The following GALNT13 variants were observed in gnomAD, a reference collection of about 807,000 sequenced individuals.
GALNT13 encodes polypeptide N-acetylgalactosaminyltransferase 13.
In GALNT13, 28 loss-of-function variants were observed where a neutral mutation model predicts 64.2. That is an observed-to-expected ratio of 0.44 (90% CI 0.32 to 0.60). GALNT13 has a LOEUF of 0.60. GALNT13 is among the 20% of genes least tolerant of loss of function. The pLI is 0.05. For synonymous variants in GALNT13, 214 were observed against 224.6 expected (o/e 0.95, Z 0.42); for missense variants, 577 against 669.8 (o/e 0.86, Z 1.53).
chr2:154,018,286 C>T (rs1697145726), intron 3 of GALNT13, among the ~76,000 whole-genome samples: 1 of 152,132 alleles, frequency 6.6e-6, no homozygotes, highest in Non-Finnish European at 1.5e-5. Context: ...ACTGCCACTC[C>T]CAACCATAGG....
the GALNT13 span, among the ~76,000 whole-genome samples, chr2:153,082,211 G>A: frequency 8.6e-5 from 13 of 152,038 alleles, no homozygotes; most frequent in African/African-American, 3.1e-4. Flanking sequence ...TGGTTACATG[G>A]ATAAGTTCTT....
chr2:153,949,764 C>T (rs149475397), intron 3 of GALNT13, among the ~76,000 whole-genome samples: 10 of 151,798 alleles, frequency 6.6e-5, no homozygotes, highest in African/African-American at 1.4e-4. Context: ...ACAAATTGTC[C>T]AAAGGAAGAG....
intron 3 of GALNT13, among the ~76,000 whole-genome samples, chr2:154,000,142 TATTATA>T (rs939697319): frequency 6.6e-6 from 1 of 151,448 alleles, no homozygotes; most frequent in African/African-American, 2.4e-5. Flanking sequence ...CATAAGTATC[TATTATA>T]ATTATGTGTA....
chr2:154,391,775 G>T (rs1265550785), intron 9 of GALNT13, among the ~76,000 whole-genome samples: 1 of 152,104 alleles, frequency 6.6e-6, no homozygotes. Flanking sequence ...CTTCAAAAAA[G>T]ATAACTCATC....
At chr2:154,039,464 A>G (rs1371371874) in intron 3 of GALNT13, among the ~76,000 whole-genome samples, 1 of 140,730 alleles carries the variant, frequency 7.1e-6, no homozygotes, top group African/African-American at 2.4e-5. Flanking sequence ...CTGCAGCTAC[A>G]TGAGTGAACC....
chr2:154,156,380 A>G (rs544488777), intron 4 of GALNT13, among the ~76,000 whole-genome samples: 16 of 152,124 alleles, frequency 1.1e-4, no homozygotes, highest in Admixed American at 6.5e-5. Context: ...CTTACGTAGC[A>G]TAGTGATTAG....
At chr2:154,093,881 C>G (rs951539905) in intron 3 of GALNT13, among the ~76,000 whole-genome samples, 31 of 151,664 alleles carry the variant, frequency 2.0e-4, no homozygotes, top group South Asian at 8.3e-4. Flanking sequence ...TCCCATCCCC[C>G]ATCAATCTGC....
At chr2:153,864,385 A>G in the GALNT13 span, among the ~76,000 whole-genome samples, 1 of 152,320 alleles carries the variant, frequency 6.6e-6, no homozygotes, top group South Asian at 2.1e-4. Flanking sequence ...CTGTTCATCA[A>G]TAAATGGTTG....
At chr2:153,866,412 A>T in the GALNT13 span, among the ~76,000 whole-genome samples, 1 of 152,198 alleles carries the variant, frequency 6.6e-6, no homozygotes, top group African/African-American at 2.4e-5. Context: ...ACCTCCCTTT[A>T]TAAACAAATA....
rs574279037 is a variant in GALNT13, at chr2:153,967,699, C to A, written c.142+23060C>A. Reference sequence around the variant, plus strand: ...GAGGAGTCACACCTGAAACCACTGCCTTCCAGAGCAGCACAATAGTGGTGC... The same window carrying A: ...GAGGAGTCACACCTGAAACCACTGCATTCCAGAGCAGCACAATAGTGGTGC... On this transcript the variant is annotated intron_variant, in intron 3 of 12. Transcript: ENST00000392825. Among the ~76,000 whole-genome samples the A allele has an allele frequency of 3.3e-5, 5 of 152,188 alleles. No individual in the cohort carries two copies. The South Asian group carries it at 1.0e-3, about 32-fold the overall frequency.
At chr2:154,317,454 G>T (rs188349125) in intron 9 of GALNT13, among the ~76,000 whole-genome samples, 215 of 152,202 alleles carry the variant, frequency 1.4e-3, no homozygotes, top group African/African-American at 5.0e-3. Context: ...GTTCTAGTGA[G>T]AATTGAATAA....
chr2:154,348,405 C>T (rs188445100), intron 9 of GALNT13, among the ~76,000 whole-genome samples: 3 of 151,826 alleles, frequency 2.0e-5, no homozygotes, highest in East Asian at 3.9e-4. Flanking sequence ...AATAGTTTCT[C>T]GGTGTTACAG....
chr2:154,371,721 TG>T (rs1697696413), intron 9 of GALNT13, among the ~76,000 whole-genome samples: 1 of 151,186 alleles, frequency 6.6e-6, no homozygotes, highest in African/African-American at 2.4e-5. Context: ...ACCTATACTC[TG>T]ATCCTGAGTA....
chr2:153,218,811 G>A, the GALNT13 span, among the ~76,000 whole-genome samples: 1 of 152,112 alleles, frequency 6.6e-6, no homozygotes, highest in East Asian at 1.9e-4. Context: ...GTCTTCCTCC[G>A]GCAGCATCTG....
the GALNT13 span, among the ~76,000 whole-genome samples, chr2:153,256,672 C>A: frequency 6.6e-6 from 1 of 151,992 alleles, no homozygotes; most frequent in East Asian, 1.9e-4. Context: ...TGTTAGTTTT[C>A]CTTCTAACAG....
the GALNT13 span, among the ~76,000 whole-genome samples, chr2:153,837,441 T>A: frequency 6.6e-6 from 1 of 152,150 alleles, no homozygotes; most frequent in Non-Finnish European, 1.5e-5. Context: ...GCAACCATTG[T>A]TCCATTCTGT....
At chr2:153,606,446 C>T in the GALNT13 span, among the ~76,000 whole-genome samples, 2 of 151,962 alleles carry the variant, frequency 1.3e-5, no homozygotes, top group East Asian at 3.9e-4. Context: ...TTATATGTGA[C>T]CCAATGCAAA....
the GALNT13 span, among the ~76,000 whole-genome samples, chr2:153,324,306 G>T: frequency 3.3e-5 from 5 of 152,022 alleles, no homozygotes; most frequent in African/African-American, 7.3e-5. Flanking sequence ...GTCTATTATT[G>T]GTGTATAGGA....
At chr2:154,395,963 T>TGA in intron 9 of GALNT13, 28 bp from the exon 10 acceptor site, 1 of 1,565,310 alleles carries the variant, frequency 6.4e-7, no homozygotes, top group Non-Finnish European at 8.6e-7. Context: ...TAGCACAAAC[T>TGA]GATTTGTGTT....
Sources: gnomAD v4.1 joint callset for allele counts (sites outside exome capture counted in the v4.1 genomes callset) on GRCh38, gnomAD v4.1.1 for gene constraint, MANE v1.5 for transcripts, NCBI Gene and HGNC (gene_info 2026-07-23, HGNC 2026-07-21) for gene names.